ATP10B: variants seen among roughly 807,000 people sequenced by gnomAD.
The protein encoded by ATP10B is phospholipid-transporting ATPase VB.
ATP10B carries 122 observed loss-of-function variants against 141.2 expected under a neutral mutation model. The observed-to-expected ratio is 0.86, with a 90% CI of 0.75 to 1.00. ATP10B has a LOEUF of 1.00. ATP10B is among the 50% of genes least tolerant of loss of function. ATP10B has a pLI of 0.00. For synonymous variants in ATP10B, 685 were observed against 692.0 expected (o/e 0.99, Z 0.16); for missense variants, 1,876 against 1,825.3 (o/e 1.03, Z -0.51).
chr5:160,919,222 T>TC, the ATP10B span, among the ~76,000 whole-genome samples: 1 of 11,616 alleles, frequency 8.6e-5, no homozygotes, highest in Non-Finnish European at 1.4e-4. Flanking sequence ...AAACTCCGTC[T>TC]CAAAAAAAAA....
chr5:160,923,310 C>T, the ATP10B span, among the ~76,000 whole-genome samples: 2 of 152,166 alleles, frequency 1.3e-5, no homozygotes, highest in African/African-American at 4.8e-5. Flanking sequence ...ATGACATTGG[C>T]CTGGAGAATG....
At chr5:160,621,001 T>C in intron 14 of ATP10B, 51 bp from the exon 15 acceptor site, 3 of 1,551,536 alleles carry the variant, frequency 1.9e-6, no homozygotes, top group East Asian at 2.3e-5. Flanking sequence ...TTGGAAATAA[T>C]ACCAAGTTGT....
intron 6 of ATP10B, among the ~76,000 whole-genome samples, chr5:160,672,035 C>T (rs10040555): frequency 0.66 from 93,359 of 141,772 alleles, 31,016 homozygotes; most frequent in Middle Eastern, 0.78. Flanking sequence ...GGAGTGCAGT[C>T]GTACGATCTT....
chr5:160,897,947 G>A, the ATP10B span, among the ~76,000 whole-genome samples: 35 of 152,246 alleles, frequency 2.3e-4, no homozygotes, highest in Middle Eastern at 3.4e-3. Flanking sequence ...AGGAAACGAT[G>A]CCCTATTTAA....
chr5:160,662,371 C>T (rs1761998621), intron 7 of ATP10B, among the ~76,000 whole-genome samples: 1 of 152,222 alleles, frequency 6.6e-6, no homozygotes, highest in South Asian at 2.1e-4. Context: ...AAGCTGGAGG[C>T]ATCATGCTAC....
chr5:160,901,896 T>TA, the ATP10B span, among the ~76,000 whole-genome samples: 1 of 152,212 alleles, frequency 6.6e-6, no homozygotes, highest in African/African-American at 2.4e-5. Context: ...ACACCTTACT[T>TA]AACCTCCCTA....
the ATP10B span, among the ~76,000 whole-genome samples, chr5:160,874,754 C>A: frequency 6.6e-6 from 1 of 151,256 alleles, no homozygotes; most frequent in Admixed American, 6.6e-5. Context: ...CCTCAGGAGC[C>A]GATGCGATCA....
intron 15 of ATP10B, 88 bp downstream of exon 15, chr5:160,620,259 T>G: frequency 6.7e-7 from 1 of 1,500,796 alleles, no homozygotes; most frequent in East Asian, 2.3e-5. Context: ...CAGGTGACAC[T>G]ACAACTTGAG....
chr5:160,643,500 T>C (rs1216493601), intron 9 of ATP10B, among the ~76,000 whole-genome samples: 1 of 152,198 alleles, frequency 6.6e-6, no homozygotes, highest in Non-Finnish European at 1.5e-5. Flanking sequence ...AGCTCCAAGA[T>C]TGCCCTCCAA....
At position 160,622,408 on chromosome 5, in the gene ATP10B, C is replaced by T. The variant is rs368181743; in HGVS notation, c.1798G>A (p.Glu600Lys). ...CTGGTCCTTACCCTCTGCCTGGGCT[C>T]GGTGGTTGTGGACACCATGACAGAG... Reference protein sequence around the residue: ...CNSVMVSTTTEPRQRVTIKPS... With the variant: ...CNSVMVSTTTKPRQRVTIKPS... The change falls in exon 14 of 26, where the codon GAG becomes AAG. Residue 600 changes from glutamate to lysine, a missense_variant. Transcript: ENST00000327245. 3.3e-5 allele frequency: 53 copies of T among 1,612,944 alleles called. No homozygotes were observed. The highest frequency in any genetic ancestry group is 3.3e-4 in the Middle Eastern group (2 of 6,058).
At chr5:160,647,188 T>C (rs1033455461) in intron 8 of ATP10B, among the ~76,000 whole-genome samples, 35 of 152,206 alleles carry the variant, frequency 2.3e-4, no homozygotes, top group Non-Finnish European at 5.0e-4. Context: ...CTAGCCAGCC[T>C]GTGCAGCCTC....
the ATP10B span, among the ~76,000 whole-genome samples, chr5:160,926,154 C>T: frequency 2.0e-5 from 3 of 152,266 alleles, no homozygotes; most frequent in African/African-American, 4.8e-5. Context: ...TGATAGTAGG[C>T]ACTGGATAAT....
chr5:160,602,264 C>T (rs1259343643), intron 21 of ATP10B, among the ~76,000 whole-genome samples: 2 of 152,238 alleles, frequency 1.3e-5, no homozygotes, highest in African/African-American at 4.8e-5. Context: ...GACATTATCA[C>T]ATATGGGAAT....
the ATP10B span, among the ~76,000 whole-genome samples, chr5:160,905,728 T>C: frequency 1.0e-5 from 1 of 98,430 alleles, no homozygotes; most frequent in Non-Finnish European, 2.1e-5. Flanking sequence ...TTATAATGTG[T>C]TAAAAAAAAA....
chr5:160,911,307 A>G, the ATP10B span, among the ~76,000 whole-genome samples: 12 of 152,206 alleles, frequency 7.9e-5, no homozygotes, highest in African/African-American at 2.7e-4. Flanking sequence ...ATTCTTCCTC[A>G]TCTCTGCCTC....
chr5:160,597,002 C>T (rs1158392207), intron 22 of ATP10B, among the ~76,000 whole-genome samples: 1 of 152,154 alleles, frequency 6.6e-6, no homozygotes, highest in Non-Finnish European at 1.5e-5. Context: ...CCATCCCCAT[C>T]AAGCTACCAA....
chr5:160,869,929 A>G, the ATP10B span, among the ~76,000 whole-genome samples: 10 of 152,106 alleles, frequency 6.6e-5, no homozygotes, highest in Non-Finnish European at 1.3e-4. Flanking sequence ...CCCTTCAAAC[A>G]TGCTTCTGTC....
At chr5:160,926,153 G>C in the ATP10B span, among the ~76,000 whole-genome samples, 5 of 152,154 alleles carry the variant, frequency 3.3e-5, no homozygotes, top group Admixed American at 2.0e-4. Context: ...ATGATAGTAG[G>C]CACTGGATAA....
In ATP10B at chr5:160,565,587, A is replaced by C. The variant is rs200115558; in HGVS notation, c.4252T>G (p.Ser1418Ala). Reference protein sequence around the residue: ...MRDDSCSGDSSAQLSSGEHLL... With the variant: ...MRDDSCSGDSAAQLSSGEHLL... ...TGCTCCCCGGATGAGAGTTGAGCTG[A>C]GGAGTCCCCTGAGCATGAGTCATCC... Residue 1418 changes from serine (S) to alanine (A), a missense_variant, in exon 26 of 26, where the codon TCA becomes GCA. By Grantham distance (99) the Ser-to-Ala change is moderately conservative (BLOSUM62 1). Transcript: ENST00000327245. 7.0e-5 allele frequency: 113 copies of C among 1,614,094 alleles called. No homozygotes were observed. The African/African-American group carries it at 1.4e-3, about 20-fold the overall frequency.
Sources: gnomAD v4.1 joint callset for allele counts (sites outside exome capture counted in the v4.1 genomes callset) on GRCh38, gnomAD v4.1.1 for gene constraint, MANE v1.5 for transcripts, NCBI Gene and HGNC (gene_info 2026-07-23, HGNC 2026-07-21) for gene names.